Variants in PHIP observed in about 807,000 individuals in gnomAD.
PHIP encodes PH-interacting protein.
PHIP carries 54 observed loss-of-function variants against 236.8 expected under a neutral mutation model. The observed-to-expected ratio is 0.23, with a 90% CI of 0.18 to 0.29. The LOEUF (loss-of-function observed/expected upper bound fraction) is 0.29. Among genes scored for constraint, PHIP ranks in the 10% least tolerant of loss-of-function variants. The pLI is 1.00. For missense variants in PHIP, 1,370 were observed against 2,190.8 expected, an observed-to-expected ratio of 0.63 and a Z score of 7.48; for synonymous variants, 756 against 718.9, an observed-to-expected ratio of 1.05 and a Z score of -0.83.
intron 28 of PHIP, 74 bp downstream of exon 28, chr6:78,965,867 CTCTT>C (rs1327247136): frequency 1.7e-6 from 2 of 1,191,954 alleles, no homozygotes; most frequent in East Asian, 2.3e-5. Flanking sequence ...TAAAAGAAGT[CTCTT>C]TATCTCTTAA....
chr6:79,016,538 T>A lies in PHIP; in HGVS notation c.1235+6A>T, dbSNP rs751604811. 4 of 1,585,586 alleles carry A rather than the reference T, an allele frequency of 2.5e-6. No homozygotes were observed. ...TATACATAATATTTCAAATTTGACCTCTTACCCTGCTGGACGAGTAGCCAT... is the reference window on the plus strand; with the variant it reads ...TATACATAATATTTCAAATTTGACCACTTACCCTGCTGGACGAGTAGCCAT... On this transcript the variant is annotated splice_donor_region_variant and intron_variant, in intron 13 of 39. Transcript: ENST00000275034.
intron 39 of PHIP, among the ~76,000 whole-genome samples, chr6:78,942,819 T>C (rs1304374823): frequency 6.6e-6 from 1 of 152,220 alleles, no homozygotes; most frequent in Non-Finnish European, 1.5e-5. Flanking sequence ...AAATTTTGTA[T>C]GGATATGTTT....
At position 78,974,445 on chromosome 6, in the gene PHIP, C is replaced by T. The variant is rs551888392; in HGVS notation, c.2890-3557G>A. Among the ~76,000 whole-genome samples, 886 of 151,232 alleles carry T rather than the reference C, an allele frequency of 5.9e-3. 4 individuals are homozygous for T. The highest frequency in any genetic ancestry group is 0.02 in the African/African-American group (816 of 41,152). On this transcript the variant is annotated intron_variant, in intron 24 of 39. Transcript: ENST00000275034. ...AGCAGGAAAGATCCAAAATTGACACCCTAACATCACAATTAAAAGAACTAG... is the reference window on the plus strand; with the variant it reads ...AGCAGGAAAGATCCAAAATTGACACTCTAACATCACAATTAAAAGAACTAG...
chr6:78,936,082 C>T lies in PHIP; in HGVS notation c.*4611G>A, dbSNP rs1316540703. 6.6e-6 allele frequency: 1 copy of T among 151,828 alleles called. No individual in the cohort carries two copies. The highest frequency in any genetic ancestry group is 2.4e-5 in the African/African-American group (1 of 41,402). 9.4% of individuals were successfully genotyped at this position (151,828 alleles called of 1,614,324 possible). A position where few individuals can be genotyped will look rare whatever the true frequency, so the allele number is the denominator to read the frequency against. ...GCACTGCTATTCTGGTGTGAAACTG[C>T]TGTTTATAATATGATACTCCAGGTT... On this transcript the variant is annotated 3_prime_UTR_variant, in exon 40 of 40. Transcript: ENST00000275034.
At chr6:78,959,375 TAG>T (rs1253127998) in intron 31 of PHIP, among the ~76,000 whole-genome samples, 1 of 152,118 alleles carries the variant, frequency 6.6e-6, no homozygotes, top group Non-Finnish European at 1.5e-5. Flanking sequence ...GCATTTCAAA[TAG>T]ATTCACAAGG....
chr6:79,023,161 CTTT>C (rs1771208909), intron 9 of PHIP, among the ~76,000 whole-genome samples: 1 of 152,210 alleles, frequency 6.6e-6, no homozygotes, highest in African/African-American at 2.4e-5. Context: ...TCACTTCAGC[CTTT>C]AACTCCTGGG....
rs933687022 is a variant in PHIP at position 78,940,617 on chromosome 6, A to G, written c.*76T>C. The G allele has an allele frequency of 3.2e-6, 2 of 624,198 alleles. No homozygotes were observed. Among genetic ancestry groups the G allele is most frequent in the East Asian group, 6.9e-5 (2 of 28,824 alleles). 38.7% of individuals were successfully genotyped at this position (624,198 alleles called of 1,614,324 possible). On this transcript the variant is annotated 3_prime_UTR_variant, in exon 40 of 40. Transcript: ENST00000275034. ...CCCTACTCCACCACAGCAGCAAGGA[A>G]GCAGAAGCCTTAGTTCTACTTATTC...
At chr6:79,016,267 A>G (rs151169924) in intron 13 of PHIP, among the ~76,000 whole-genome samples, 14 of 152,078 alleles carry the variant, frequency 9.2e-5, no homozygotes, top group East Asian at 5.8e-4. Context: ...ACGAAACATA[A>G]TATGTTCTGG....
In PHIP at chr6:78,935,791, A is replaced by G. The variant is rs948050546; in HGVS notation, c.*4902T>C. 1.0e-6 allele frequency: 1 copy of G among 974,746 alleles called. No homozygotes were observed. The highest frequency in any genetic ancestry group is 1.8e-5 in the African/African-American group (1 of 57,006). 60.4% of individuals were successfully genotyped at this position (974,746 alleles called of 1,614,324 possible). ...GACCACTTTGGTAAGCAGCTTGTTG[A>G]GATTATGTACTAAGTGCTTTATGTG... On this transcript the variant is annotated 3_prime_UTR_variant, in exon 40 of 40. Transcript: ENST00000275034.
At chr6:79,019,983 C>A (rs1771030672) in intron 9 of PHIP, among the ~76,000 whole-genome samples, 1 of 152,052 alleles carries the variant, frequency 6.6e-6, no homozygotes, top group African/African-American at 2.4e-5. Context: ...TACATTTTGG[C>A]ATAGTTCTTC....
At chr6:78,941,878 A>G (rs757647616) in intron 39 of PHIP, among the ~76,000 whole-genome samples, 28 of 152,178 alleles carry the variant, frequency 1.8e-4, no homozygotes, top group Non-Finnish European at 3.1e-4. Flanking sequence ...ATAAAAGGCC[A>G]TTATGCTTCA....
chr6:79,055,070 C>A (rs1302392931), intron 6 of PHIP, among the ~76,000 whole-genome samples: 1 of 151,842 alleles, frequency 6.6e-6, no homozygotes, highest in Non-Finnish European at 1.5e-5. Context: ...CTCAAAACTC[C>A]TTATCCTCAC....
intron 6 of PHIP, among the ~76,000 whole-genome samples, chr6:79,048,203 T>TA (rs1243202644): frequency 2.0e-5 from 3 of 152,118 alleles, no homozygotes; most frequent in Non-Finnish European, 4.4e-5. Context: ...GTTGGAAATG[T>TA]AAATTTAACT....
intron 17 of PHIP, 80 bp downstream of exon 17, chr6:79,001,819 A>ACAAAGTTTT: frequency 3.4e-6 from 3 of 873,322 alleles, no homozygotes; most frequent in Non-Finnish European, 5.7e-6. Context: ...ACAACTGCAA[A>ACAAAGTTTT]CAAAGTTTTA....
intron 32 of PHIP, chr6:78,957,207 T>C (rs1766476604): frequency 6.6e-6 from 1 of 151,998 alleles, no homozygotes; most frequent in African/African-American, 2.4e-5. Context: ...ACAATTTTCA[T>C]CTAAATTATT....
At chr6:78,977,555 C>G (rs1768191798) in intron 24 of PHIP, among the ~76,000 whole-genome samples, 1 of 150,440 alleles carries the variant, frequency 6.6e-6, no homozygotes, top group Non-Finnish European at 1.5e-5. Context: ...TTGTCTGGAA[C>G]TTTAAATGAT....
intron 4 of PHIP, among the ~76,000 whole-genome samples, chr6:79,069,165 A>G (rs1773767782): frequency 6.8e-6 from 1 of 148,108 alleles, no homozygotes; most frequent in African/African-American, 2.5e-5. Context: ...TTGTATATAC[A>G]TTAATTATAT....
At chr6:79,043,747 T>C (rs1489732596) in intron 6 of PHIP, among the ~76,000 whole-genome samples, 3 of 151,992 alleles carry the variant, frequency 2.0e-5, no homozygotes, top group Non-Finnish European at 1.5e-5. Context: ...TGGTAACTTA[T>C]GGACAAAGAA....
chr6:78,969,009 C>T (rs1210511119), intron 27 of PHIP, among the ~76,000 whole-genome samples: 7 of 152,138 alleles, frequency 4.6e-5, no homozygotes. Flanking sequence ...CTTCCTGTTT[C>T]CTGAGGGGAT....
Sources: gnomAD v4.1 joint callset for allele counts (sites outside exome capture counted in the v4.1 genomes callset) on GRCh38, gnomAD v4.1.1 for gene constraint, MANE v1.5 for transcripts, NCBI Gene and HGNC (gene_info 2026-07-23, HGNC 2026-07-21) for gene names.